Variants in AKAP9 observed in about 807,000 individuals in gnomAD.
The protein encoded by AKAP9 is A-kinase anchoring protein 9, also known as A-kinase anchor protein 9.
Under a neutral mutation model 488.5 loss-of-function variants are expected in AKAP9, and 311 were observed. That is an observed-to-expected ratio of 0.64 (90% CI 0.58 to 0.70). The LOEUF (loss-of-function observed/expected upper bound fraction) is 0.70, where lower values mean the gene tolerates loss of function less well. Ranked by LOEUF, AKAP9 falls within the 30% of genes least tolerant of loss-of-function variation. The pLI is 0.00. For missense variants in AKAP9, 4,215 were observed against 4,374.5 expected, an observed-to-expected ratio of 0.96 and a Z score of 1.03; for synonymous variants, 1,462 against 1,483.5, an observed-to-expected ratio of 0.99 and a Z score of 0.33.
In AKAP9 at chr7:92,002,598, A is replaced by C. The variant is rs750540250; in HGVS notation, c.2681A>C (p.Lys894Thr). 6.2e-7 allele frequency: 1 copy of C among 1,610,858 alleles called. No individual in the cohort carries two copies. The highest frequency in any genetic ancestry group is 1.3e-5 in the African/African-American group (1 of 74,708). Residue 894 changes from lysine (K) to threonine (T), a missense_variant, in exon 8 of 50, where the codon AAA (lysine) becomes ACA (threonine). Transcript: ENST00000356239. ...KQELEYKSKL[K>T]ALNEELHLQR... ...GAATTAGAGTATAAAAGTAAACTTAAAGCACTTAATGAAGAGCTTCATTTG... is the reference window on the plus strand; with the variant it reads ...GAATTAGAGTATAAAAGTAAACTTACAGCACTTAATGAAGAGCTTCATTTG...
chr7:92,061,121 C>T, intron 22 of AKAP9, 139 bp from the exon 23 acceptor site: 1 of 979,124 alleles, frequency 1.0e-6, no homozygotes, highest in Non-Finnish European at 1.5e-6. Context: ...TCTTAGCATA[C>T]ACTGGCAATA....
chr7:91,967,977 G>T (rs1014026645), intron 1 of AKAP9, among the ~76,000 whole-genome samples: 2 of 152,148 alleles, frequency 1.3e-5, no homozygotes, highest in Non-Finnish European at 2.9e-5. Context: ...GTCTCCTGTT[G>T]CCTAGGCTGG....
chr7:91,957,419 A>G (rs1793152739), intron 1 of AKAP9, among the ~76,000 whole-genome samples: 3 of 152,200 alleles, frequency 2.0e-5, no homozygotes, highest in Non-Finnish European at 4.4e-5. Context: ...ATTATTTCTG[A>G]GTTTCCTAAA....
chr7:92,084,547 T>C (rs1814164467), intron 33 of AKAP9, 93 bp from the exon 34 acceptor site: 1 of 893,650 alleles, frequency 1.1e-6, no homozygotes, highest in South Asian at 1.6e-5. Context: ...ACAGATTTGA[T>C]TGATTACAGC....
chr7:92,001,289 G>A lies in AKAP9; in HGVS notation c.1372G>A (p.Ala458Thr). 1 of 1,613,920 alleles carries A rather than the reference G, an allele frequency of 6.2e-7. No homozygotes were observed. Among genetic ancestry groups the A allele is most frequent in the Middle Eastern group, 1.7e-4 (1 of 6,060 alleles). The part of the protein sequence containing the change: ...MKQELIRQHM[A>T]QMEEMKTRHK... ...ACAAGAATTAATAAGACAACACATG[G>A]CACAGATGGAGGAAATGAAAACACG... The change falls in exon 8 of 50, where the codon GCA becomes ACA. Residue 458 changes from alanine (A) to threonine (T), a missense_variant. Physicochemically the swap from Ala to Thr is moderately conservative, Grantham distance 58. This residue lies in a region of AKAP9 where 2,361 missense variants were observed against 2,430.0 expected (regional missense o/e 0.97). Coordinates refer to ENST00000356239, the MANE Select transcript of AKAP9 (RefSeq NM_005751.5).
In AKAP9 at chr7:92,045,161, G is replaced by A; in HGVS notation, c.5316G>A (p.Arg1772=). The change falls in exon 21 of 50, where the codon AGG becomes AGA. Residue 1772 remains arginine (R), a synonymous_variant. Coordinates refer to ENST00000356239, the MANE Select transcript of AKAP9 (RefSeq NM_005751.5). ...KSQSSASLIW[R]SEAEASVKSC... ...AGTCATCTGCCAGCCTAATTTGGAG[G>A]TCAGAAGCAGAGGCATCTGTAAAGT... 6.2e-7 allele frequency: 1 copy of A among 1,613,718 alleles called. No individual in the cohort carries two copies. Among genetic ancestry groups the A allele is most frequent in the East Asian group, 2.2e-5 (1 of 44,856 alleles).
chr7:91,991,665 G>A (rs950798854), intron 3 of AKAP9, among the ~76,000 whole-genome samples: 2 of 152,022 alleles, frequency 1.3e-5, no homozygotes, highest in Non-Finnish European at 2.9e-5. Context: ...TAGAGACGGG[G>A]TTTCACCGTG....
chr7:92,070,137 A>G lies in AKAP9; in HGVS notation c.6438A>G (p.Ile2146Met). ...ATATACAAGAAAGGAATGAAGAAAT[A>G]GAGAAACTGGAGTTCAGAGTAAGAG... ...QRDIQERNEE[I>M]EKLEFRVREL... The change falls in exon 27 of 50, where the codon ATA becomes ATG. Residue 2146 changes from isoleucine to methionine, a missense_variant. Transcript: ENST00000356239. 1 of 1,614,160 alleles carries G rather than the reference A, an allele frequency of 6.2e-7. No individual in the cohort carries two copies. Among genetic ancestry groups the G allele is most frequent in the African/African-American group, 1.3e-5 (1 of 75,056 alleles).
At chr7:91,950,150 T>C (rs1309154041) in intron 1 of AKAP9, among the ~76,000 whole-genome samples, 2 of 152,084 alleles carry the variant, frequency 1.3e-5, no homozygotes, top group East Asian at 3.8e-4. Flanking sequence ...GAACACACTA[T>C]AAAATTCCTT....
intron 9 of AKAP9, 126 bp from the exon 10 acceptor site, chr7:92,014,123 C>A: frequency 1.4e-6 from 1 of 720,494 alleles, no homozygotes; most frequent in Non-Finnish European, 2.4e-6. Context: ...GAAAATAACT[C>A]AAAGAAATAA....
chr7:92,037,635 G>A (rs946425331), intron 16 of AKAP9, among the ~76,000 whole-genome samples: 1 of 152,190 alleles, frequency 6.6e-6, no homozygotes, highest in Non-Finnish European at 1.5e-5. Context: ...TGGGAGGCTA[G>A]AATAAGCAGG....
chr7:91,989,678 C>G (rs942720204), intron 3 of AKAP9, among the ~76,000 whole-genome samples: 1 of 151,946 alleles, frequency 6.6e-6, no homozygotes, highest in African/African-American at 2.4e-5. Flanking sequence ...ATTTTAACCT[C>G]GTTAATTACT....
At chr7:91,991,065 A>G (rs1797686101) in intron 3 of AKAP9, among the ~76,000 whole-genome samples, 2 of 152,148 alleles carry the variant, frequency 1.3e-5, no homozygotes, top group East Asian at 1.9e-4. Flanking sequence ...CATAGTGTAT[A>G]TAGGGTTCAA....
intron 1 of AKAP9, among the ~76,000 whole-genome samples, chr7:91,955,617 G>T (rs549006493): frequency 1.3e-5 from 2 of 152,254 alleles, no homozygotes; most frequent in East Asian, 3.9e-4. Context: ...AGGAATTTAC[G>T]TCAGTATCCA....
chr7:91,986,275 G>T (rs1797077097), intron 3 of AKAP9, among the ~76,000 whole-genome samples: 2 of 152,200 alleles, frequency 1.3e-5, no homozygotes, highest in African/African-American at 4.8e-5. Context: ...GGGCGGGAGT[G>T]TCCCGTTTTT....
chr7:91,988,894 T>C (rs6465343), intron 3 of AKAP9, among the ~76,000 whole-genome samples: 68,250 of 151,952 alleles, frequency 0.45, 16,424 homozygotes, highest in African/African-American at 0.63. Context: ...GTTTGTTGCA[T>C]CCATCAACTA....
At position 91,995,758 on chromosome 7, in the gene AKAP9, G is replaced by T; in HGVS notation, c.888G>T (p.Met296Ile). ...DYQKKKEDFT[M>I]QISFLQEKIK... is the part of the protein sequence containing the mutation. ...AGAAAAAGAAAGAAGACTTCACAAT[G>T]CAAATTAGTTTCTTGCAAGAGAAAA... is the stretch of plus-strand genomic sequence containing the variant. The change falls in exon 7 of 50, where the codon ATG (methionine) becomes ATT (isoleucine). Residue 296 changes from methionine to isoleucine, a missense_variant. Coordinates refer to ENST00000356239, the MANE Select transcript of AKAP9 (RefSeq NM_005751.5). 6.2e-7 allele frequency: 1 copy of T among 1,612,306 alleles called. No homozygotes were observed. Among genetic ancestry groups the T allele is most frequent in the South Asian group, 1.1e-5 (1 of 90,978 alleles).
chr7:92,061,971 T>G (rs13438166), intron 23 of AKAP9, among the ~76,000 whole-genome samples: 1 of 152,252 alleles, frequency 6.6e-6, no homozygotes, highest in South Asian at 2.1e-4. Flanking sequence ...ACTTACTGTT[T>G]ATATCTGTTT....
chr7:92,105,686 TTTTGG>T lies in AKAP9; in HGVS notation c.11342_11346del (p.Leu3781SerfsTer15). The T allele has an allele frequency of 6.2e-7, 1 of 1,613,950 alleles. No individual in the cohort carries two copies. The highest frequency in any genetic ancestry group is 8.5e-7 in the Non-Finnish European group (1 of 1,179,806). ...CTTGGAATCTTTTTTAGAATGAAAT[TTTTGG>T]TTCGACGGTGGCATCGAGTCACAGG... On this transcript the variant is annotated frameshift_variant, in exon 47 of 50. Coordinates refer to ENST00000356239, the MANE Select transcript of AKAP9 (RefSeq NM_005751.5). LOFTEE classifies it high-confidence loss of function.
Sources: allele counts gnomAD v4.1 joint callset (sites outside exome capture counted in the v4.1 genomes callset), GRCh38; gene constraint gnomAD v4.1.1; regional missense constraint gnomAD v4.1.1; transcripts MANE v1.5; gene names NCBI Gene and HGNC (gene_info 2026-07-23, HGNC 2026-07-21).